The following PBX1 variants were observed in gnomAD, a reference collection of about 807,000 sequenced individuals.
PBX1 encodes the protein pre-B-cell leukemia transcription factor 1.
PBX1 carries 6 observed loss-of-function variants against 53.4 expected under a neutral mutation model. The ratio of observed to expected loss-of-function variants is 0.11; its 90% CI spans 0.06 to 0.22. The LOEUF is 0.22. Ranked by LOEUF, PBX1 falls within the 10% of genes least tolerant of loss-of-function variation. PBX1 has a pLI of 1.00. For missense variants in PBX1, 251 were observed against 551.4 expected, an observed-to-expected ratio of 0.46 and a Z score of 5.46; for synonymous variants, 204 against 212.3, an observed-to-expected ratio of 0.96 and a Z score of 0.34.
At chr1:164,809,316 A>G (rs1669497485) in intron 5 of PBX1, among the ~76,000 whole-genome samples, 1 of 152,174 alleles carries the variant, frequency 6.6e-6, no homozygotes, top group South Asian at 2.1e-4. Flanking sequence ...CTCAAGGTAC[A>G]AATAGTGTGT....
At position 164,847,315 on chromosome 1, in the gene PBX1, C is replaced by T; in HGVS notation, c.*639C>T. 1 of 1,065,226 alleles carries T rather than the reference C, an allele frequency of 9.4e-7. No individual in the cohort carries two copies. The highest frequency in any genetic ancestry group is 1.1e-6 in the Non-Finnish European group (1 of 879,270). 66.0% of individuals were successfully genotyped at this position (1,065,226 alleles called of 1,614,324 possible). A position where few individuals can be genotyped will look rare whatever the true frequency, so the allele number is the denominator to read the frequency against. ...AGCTATTCACTGGGGACTGTCATAGCTGGGATTCTAAAGGTGCCACATTTT... is the reference window on the plus strand; with the variant it reads ...AGCTATTCACTGGGGACTGTCATAGTTGGGATTCTAAAGGTGCCACATTTT... On this transcript the variant is annotated 3_prime_UTR_variant, in exon 9 of 9. Transcript: ENST00000420696.
chr1:164,753,982 T>C (rs1184201177), intron 2 of PBX1, among the ~76,000 whole-genome samples: 1 of 152,110 alleles, frequency 6.6e-6, no homozygotes, highest in East Asian at 1.9e-4. Context: ...CAGTACTCTT[T>C]GTTGTCATTT....
chr1:164,863,029 T>C (rs1172057835), intron 2 of PBX1, among the ~76,000 whole-genome samples: 3 of 152,154 alleles, frequency 2.0e-5, no homozygotes, highest in Admixed American at 2.0e-4. Context: ...CTTCCCCAAG[T>C]CCCAGGCAGA....
intron 2 of PBX1, among the ~76,000 whole-genome samples, chr1:164,745,044 G>A (rs1053891863): frequency 6.6e-6 from 1 of 152,094 alleles, no homozygotes; most frequent in African/African-American, 2.4e-5. Context: ...TTCAAAGACC[G>A]GGAAACTGAG....
intron 8 of PBX1, among the ~76,000 whole-genome samples, chr1:164,828,271 CGTGT>C (rs576407322): frequency 1.3e-5 from 2 of 149,676 alleles, no homozygotes; most frequent in South Asian, 2.1e-4. Context: ...TTTGTGTATG[CGTGT>C]GTGTGTGTGT....
chr1:164,689,867 A>G (rs1662359010), intron 2 of PBX1, among the ~76,000 whole-genome samples: 1 of 150,670 alleles, frequency 6.6e-6, no homozygotes, highest in Non-Finnish European at 1.5e-5. Context: ...CCTCCCCTTG[A>G]GCTTTTTCAG....
chr1:164,706,352 A>C (rs959200576), intron 2 of PBX1, among the ~76,000 whole-genome samples: 2 of 152,226 alleles, frequency 1.3e-5, no homozygotes, highest in Admixed American at 1.3e-4. Context: ...TAAGCTGTGC[A>C]TGAATTATAT....
At chr1:164,694,888 C>G (rs1413518254) in intron 2 of PBX1, among the ~76,000 whole-genome samples, 1 of 152,234 alleles carries the variant, frequency 6.6e-6, no homozygotes, top group East Asian at 1.9e-4. Flanking sequence ...TTCACCCATT[C>G]AGCAGTATTG....
chr1:164,834,666 G>A (rs1180033292), intron 8 of PBX1, among the ~76,000 whole-genome samples: 1 of 152,018 alleles, frequency 6.6e-6, no homozygotes, highest in Non-Finnish European at 1.5e-5. Flanking sequence ...TCATGGAAAG[G>A]AAAAAACAAC....
At chr1:164,582,028 A>G (rs547074600) in intron 2 of PBX1, among the ~76,000 whole-genome samples, 133 of 152,214 alleles carry the variant, frequency 8.7e-4, no homozygotes, top group Non-Finnish European at 4.3e-4. Flanking sequence ...GAAGCTTACC[A>G]AAAGATGTGA....
intron 2 of PBX1, among the ~76,000 whole-genome samples, chr1:164,690,267 C>T (rs994563763): frequency 2.0e-5 from 3 of 148,910 alleles, no homozygotes; most frequent in East Asian, 3.9e-4. Flanking sequence ...GGAAAGAAAG[C>T]GGATCAGACA....
chr1:164,699,967 T>G (rs115980758), intron 2 of PBX1, among the ~76,000 whole-genome samples: 1,865 of 152,114 alleles, frequency 0.012, 44 homozygotes, highest in African/African-American at 0.042. Flanking sequence ...GATAGAGAAA[T>G]AGAGGCGAAG....
At chr1:164,607,912 A>G (rs558324541) in intron 2 of PBX1, among the ~76,000 whole-genome samples, 2 of 152,272 alleles carry the variant, frequency 1.3e-5, no homozygotes, top group East Asian at 3.9e-4. Flanking sequence ...ATCTTAACAT[A>G]TATTATGTTA....
In PBX1 at chr1:164,719,692, A is replaced by G. The variant is rs150869489; in HGVS notation, c.266-72802A>G. On this transcript the variant is annotated intron_variant, in intron 2 of 8. Transcript: ENST00000420696. The stretch of plus-strand genomic sequence containing the variant: ...AGTAATGTTGTTTTTGTCTTATCCA[A>G]TGAATATACCCACATTGGCACACTC... Among the ~76,000 whole-genome samples, 518 of 152,062 alleles carry G rather than the reference A, an allele frequency of 3.4e-3. 5 individuals carry two copies. Among genetic ancestry groups the G allele is most frequent in the African/African-American group, 0.012 (497 of 41,448 alleles).
At chr1:164,624,458 T>G (rs1487282579) in intron 2 of PBX1, among the ~76,000 whole-genome samples, 1 of 152,224 alleles carries the variant, frequency 6.6e-6, no homozygotes, top group Non-Finnish European at 1.5e-5. Context: ...AAGAATTGGT[T>G]AGAGGCATGC....
chr1:164,680,384 T>C (rs1465955840), intron 2 of PBX1: 1 of 152,210 alleles, frequency 6.6e-6, no homozygotes, highest in Non-Finnish European at 1.5e-5. Context: ...GATTTTATTT[T>C]CTTTTTCAAC....
chr1:164,829,516 TAACACAGC>T (rs966784288), intron 8 of PBX1: 1 of 152,118 alleles, frequency 6.6e-6, no homozygotes, highest in African/African-American at 2.4e-5. Context: ...CTCAGCAAAC[TAACACAGC>T]AACAGAAAAC....
chr1:164,616,665 A>G (rs934277890), intron 2 of PBX1, among the ~76,000 whole-genome samples: 1 of 152,168 alleles, frequency 6.6e-6, no homozygotes, highest in African/African-American at 2.4e-5. Flanking sequence ...AGGTAAGAAC[A>G]CTTCATGTGA....
chr1:164,708,256 T>C (rs1341269369), intron 2 of PBX1, among the ~76,000 whole-genome samples: 3 of 152,168 alleles, frequency 2.0e-5, no homozygotes. Flanking sequence ...TTGACTACTG[T>C]AGTAGCTGTG....
Sources: allele counts gnomAD v4.1 joint callset (sites outside exome capture counted in the v4.1 genomes callset), GRCh38; gene constraint gnomAD v4.1.1; transcripts MANE v1.5; gene names NCBI Gene and HGNC (gene_info 2026-07-23, HGNC 2026-07-21).